Variants in CHST15 observed in about 807,000 individuals in gnomAD.
CHST15 encodes the protein B cell RAG associated protein (GALNAC4S-6ST).
CHST15 carries 30 observed loss-of-function variants against 53.6 expected under a neutral mutation model. The observed-to-expected ratio is 0.56, with a 90% CI of 0.42 to 0.76. The LOEUF (loss-of-function observed/expected upper bound fraction) is 0.76, where lower values mean the gene tolerates loss of function less well. Among genes scored for constraint, CHST15 ranks in the 30% least tolerant of loss-of-function variants. The pLI, the probability that CHST15 is intolerant of heterozygous loss-of-function variation, is 0.00. For synonymous variants in CHST15, 296 were observed against 289.8 expected (o/e 1.02, Z -0.22); for missense variants, 627 against 740.5 (o/e 0.85, Z 1.78).
rs201228598 is a variant in CHST15 at position 124,036,661 on chromosome 10, T to TGC, written c.1190+1852_1190+1853dup. Among the ~76,000 whole-genome samples the TGC allele has an allele frequency of 4.5e-3, 640 of 140,842 alleles. 4 individuals are homozygous for TGC. The highest frequency in any genetic ancestry group is 0.017 in the African/African-American group (592 of 34,624). 92.4% of individuals were successfully genotyped at this position (140,842 alleles called of 152,430 possible). On this transcript the variant is annotated intron_variant, in intron 5 of 7. Transcript: ENST00000435907. This position sits in a 1 kb window ranked among gnomAD's most constrained non-coding sequence, Gnocchi z 5.1. ...ATAAGACTGTCCTGTCACACCCATG[T>TGC]GCACACACACACACACACACACTTA...
At chr10:124,040,238 C>T (rs1947685210) in intron 4 of CHST15, among the ~76,000 whole-genome samples, 1 of 152,208 alleles carries the variant, frequency 6.6e-6, no homozygotes, top group Admixed American at 6.5e-5. Context: ...AGCCACCATC[C>T]ATCCTTCGTC....
chr10:124,073,803 A>T (rs1590344836), intron 1 of CHST15, among the ~76,000 whole-genome samples: 1 of 152,164 alleles, frequency 6.6e-6, no homozygotes, highest in East Asian at 1.9e-4. Flanking sequence ...TGCATTTTAA[A>T]ATGGTTAACA....
chr10:124,028,862 C>A (rs911565433), intron 5 of CHST15, among the ~76,000 whole-genome samples: 2 of 152,168 alleles, frequency 1.3e-5, no homozygotes, highest in African/African-American at 4.8e-5. Flanking sequence ...GCTGGCTCAC[C>A]CCGGTGACGC....
At position 124,041,072 on chromosome 10, in the gene CHST15, G is replaced by T. The variant is rs930524013; in HGVS notation, c.1033+1229C>A. 1.2e-4 allele frequency among the ~76,000 whole-genome samples: 19 copies of T among 152,276 alleles called. 1 individual carries two copies. In the East Asian group the frequency reaches 1.3e-3, roughly 11 times the overall value. ...GGACTCCCAAGTTTGCAAAAAACTAGATAACAGCCAAATCATACTGGAGGT... is the reference window on the plus strand; with the variant it reads ...GGACTCCCAAGTTTGCAAAAAACTATATAACAGCCAAATCATACTGGAGGT... On this transcript the variant is annotated intron_variant, in intron 4 of 7. Transcript: ENST00000435907.
At chr10:124,062,470 C>G (rs548275222) in intron 1 of CHST15, among the ~76,000 whole-genome samples, 1 of 152,150 alleles carries the variant, frequency 6.6e-6, no homozygotes, top group African/African-American at 2.4e-5. Flanking sequence ...CTTTGCACTT[C>G]GGTGCCTCCC....
At chr10:124,026,993 C>G (rs1047362513) in intron 5 of CHST15, among the ~76,000 whole-genome samples, 2 of 152,150 alleles carry the variant, frequency 1.3e-5, no homozygotes, top group Admixed American at 6.5e-5. Context: ...TCATACCCTC[C>G]CAGCCCTGAG....
chr10:124,073,219 G>A (rs1196685686), intron 1 of CHST15, among the ~76,000 whole-genome samples: 1 of 152,216 alleles, frequency 6.6e-6, no homozygotes, highest in Non-Finnish European at 1.5e-5. Context: ...TCTACCCACA[G>A]TAGAACGGAC....
rs138755891 is a variant in CHST15, at chr10:124,016,760, T to G, written c.1348-4280A>C. ...ACAGGGATGGATTTCAGGGGATCTC[T>G]AATGAGACGATGCATTGAAAGGGCT... On this transcript the variant is annotated intron_variant, in intron 6 of 7. Coordinates refer to ENST00000435907, the MANE Select transcript of CHST15 (RefSeq NM_001270764.2). 5.3e-3 allele frequency among the ~76,000 whole-genome samples: 802 copies of G among 152,330 alleles called. 6 individuals carry two copies. The highest frequency in any genetic ancestry group is 0.018 in the African/African-American group (759 of 41,572).
chr10:124,045,129 A>AC (rs1564882171), intron 2 of CHST15, among the ~76,000 whole-genome samples: 5,100 of 148,250 alleles, frequency 0.034, 386 homozygotes, highest in African/African-American at 0.12. Flanking sequence ...AAAAAAAAAA[A>AC]AAAAAAAAAA....
intron 1 of CHST15, among the ~76,000 whole-genome samples, chr10:124,081,586 G>A (rs1949241943): frequency 6.6e-6 from 1 of 152,198 alleles, no homozygotes; most frequent in Non-Finnish European, 1.5e-5. Flanking sequence ...GAATATCAGT[G>A]ATAACAATGA....
chr10:124,061,577 C>A (rs1248595697), intron 1 of CHST15, among the ~76,000 whole-genome samples: 2 of 152,252 alleles, frequency 1.3e-5, no homozygotes, highest in Non-Finnish European at 2.9e-5. Flanking sequence ...TTGTGGGTAG[C>A]ATTTGGGGGG....
intron 1 of CHST15, among the ~76,000 whole-genome samples, chr10:124,052,624 G>A (rs1948237271): frequency 6.6e-6 from 1 of 152,214 alleles, no homozygotes; most frequent in Non-Finnish European, 1.5e-5. Flanking sequence ...TCTTGAACAA[G>A]ATATTAAACG....
intron 1 of CHST15, among the ~76,000 whole-genome samples, chr10:124,068,161 G>A (rs1435168843): frequency 6.6e-6 from 1 of 152,148 alleles, no homozygotes; most frequent in African/African-American, 2.4e-5. Context: ...CAGAGCCAAG[G>A]GGATGGTGAA....
chr10:124,045,086 G>C (rs1388053715), intron 2 of CHST15, among the ~76,000 whole-genome samples, 167 bp from the exon 3 acceptor site: 10 of 111,914 alleles, frequency 8.9e-5, no homozygotes, highest in Non-Finnish European at 1.6e-4. Flanking sequence ...GTCAATGACT[G>C]TGCTTTCCTC....
intron 1 of CHST15, among the ~76,000 whole-genome samples, chr10:124,049,329 C>T (rs1416206322): frequency 1.3e-5 from 2 of 152,178 alleles, no homozygotes; most frequent in African/African-American, 2.4e-5. Flanking sequence ...AAGCACCTTT[C>T]GTCATTCATG....
At chr10:124,091,903 C>T (rs1434412537) in intron 1 of CHST15, among the ~76,000 whole-genome samples, 1 of 152,170 alleles carries the variant, frequency 6.6e-6, no homozygotes, top group African/African-American at 2.4e-5. Context: ...CCAGCCGCGC[C>T]GGCCGGCCCC....
At position 124,008,988 on chromosome 10, in the gene CHST15, G is replaced by T. The variant is rs774083552; in HGVS notation, c.*1161C>A. ...CTCATTCCAAATCTCAACACGCCAC[G>T]TTCAGCCCAAGTTCAGCTTGTGCAT... On this transcript the variant is annotated 3_prime_UTR_variant, in exon 8 of 8. Transcript: ENST00000435907. 5.4e-6 allele frequency: 7 copies of T among 1,289,016 alleles called. No homozygotes were observed. In the African/African-American group the frequency reaches 9.1e-5, roughly 17 times the overall value. The allele number at this position is 1,289,016 out of a possible 1,614,324, so 79.8% of individuals were successfully genotyped here. A position where few individuals can be genotyped will look rare whatever the true frequency, so the allele number is the denominator to read the frequency against.
At chr10:124,057,643 A>G (rs1038034979) in intron 1 of CHST15, among the ~76,000 whole-genome samples, 1 of 152,218 alleles carries the variant, frequency 6.6e-6, no homozygotes, top group African/African-American at 2.4e-5. Context: ...TTTCAAGGAC[A>G]GCCGTGAAGC....
chr10:124,028,137 C>G (rs563914722), intron 5 of CHST15, among the ~76,000 whole-genome samples: 1 of 152,322 alleles, frequency 6.6e-6, no homozygotes, highest in Admixed American at 6.5e-5. Context: ...CGGTCGGGAA[C>G]AGCAAATGTG....
Sources: allele counts gnomAD v4.1 joint callset (sites outside exome capture counted in the v4.1 genomes callset), GRCh38; gene constraint gnomAD v4.1.1; non-coding constraint Gnocchi (gnomAD v3.1); transcripts MANE v1.5; gene names NCBI Gene and HGNC (gene_info 2026-07-23, HGNC 2026-07-21).